SLCO1B3: variants seen among roughly 807,000 people sequenced by gnomAD.
SLCO1B3 encodes the protein liver-specific organic anion transporter 2.
SLCO1B3 carries 72 observed loss-of-function variants against 71.8 expected under a neutral mutation model. The observed-to-expected ratio is 1.00, with a 90% CI of 0.83 to 1.22. The LOEUF (loss-of-function observed/expected upper bound fraction) is 1.22. Ranked by LOEUF, SLCO1B3 falls within the 50% of genes most tolerant of loss-of-function variation. The probability of loss-of-function intolerance (pLI) is 0.00; values close to 1 mark genes in which losing one functional copy is unlikely to be tolerated. For missense variants in SLCO1B3, 911 were observed against 819.7 expected, an observed-to-expected ratio of 1.11 and a Z score of -1.36; for synonymous variants, 298 against 278.4, an observed-to-expected ratio of 1.07 and a Z score of -0.70.
At chr12:20,888,493 CATT>C (rs1865835024) in intron 13 of SLCO1B3, among the ~76,000 whole-genome samples, 1 of 151,730 alleles carries the variant, frequency 6.6e-6, no homozygotes, top group African/African-American at 2.4e-5. Context: ...TGAGCTTGAT[CATT>C]ATTGTTGTAT....
intron 12 of SLCO1B3, among the ~76,000 whole-genome samples, chr12:20,881,720 T>C (rs1338523101): frequency 6.6e-6 from 1 of 152,148 alleles, no homozygotes; most frequent in African/African-American, 2.4e-5. Context: ...CCCAATATCC[T>C]GGGTAACTCC....
At position 20,862,514 on chromosome 12, in the gene SLCO1B3, A is replaced by C. The variant is rs199849487; in HGVS notation, c.584A>C (p.Tyr195Ser). The change falls in exon 7 of 16, where the codon TAC becomes TCC. Residue 195 changes from tyrosine (Y) to serine (S), a missense_variant. By Grantham distance (144) the Tyr-to-Ser change is moderately radical (BLOSUM62 -2). Transcript: ENST00000381545. Reference sequence around the variant, plus strand: ...CCCATAGTACCATTGGGGATTTCATACATTGATGATTTTGCAAAAGAAGGA... The same window carrying C: ...CCCATAGTACCATTGGGGATTTCATCCATTGATGATTTTGCAAAAGAAGGA... ...ETPIVPLGIS[Y>S]IDDFAKEGHS... is the part of the protein sequence containing the mutation. 20 of 1,612,022 alleles carry C rather than the reference A, an allele frequency of 1.2e-5. No homozygotes were observed. The highest frequency in any genetic ancestry group is 1.5e-5 in the Non-Finnish European group (18 of 1,178,856).
intron 13 of SLCO1B3, among the ~76,000 whole-genome samples, chr12:20,894,378 GGTGA>G (rs1289842542): frequency 1.2e-4 from 18 of 152,124 alleles, no homozygotes; most frequent in African/African-American, 3.9e-4. Context: ...TGGATGTAGG[GGTGA>G]GTGTGTGTGA....
intron 8 of SLCO1B3, among the ~76,000 whole-genome samples, chr12:20,868,333 G>A (rs976248826): frequency 1.3e-5 from 2 of 152,120 alleles, no homozygotes; most frequent in Non-Finnish European, 2.9e-5. Context: ...ACTGTTTGGG[G>A]GGTCAGCCAC....
chr12:20,850,581 C>T (rs886418093), intron 3 of SLCO1B3, among the ~76,000 whole-genome samples: 1 of 152,064 alleles, frequency 6.6e-6, no homozygotes, highest in African/African-American at 2.4e-5. Context: ...CATGCCCGGC[C>T]GATGTACAGA....
intron 14 of SLCO1B3, among the ~76,000 whole-genome samples, chr12:20,900,572 T>G (rs548052543): frequency 7.8e-4 from 119 of 152,260 alleles, no homozygotes; most frequent in Non-Finnish European, 1.3e-3. Flanking sequence ...AAATAAAAAT[T>G]GACTTTGGGA....
At chr12:20,815,175 C>T (rs926427678) in intron 2 of SLCO1B3, among the ~76,000 whole-genome samples, 1 of 151,904 alleles carries the variant, frequency 6.6e-6, no homozygotes, top group African/African-American at 2.4e-5. Flanking sequence ...AGCCTTGTTC[C>T]ATAGGCATCT....
rs1454587926 is a variant in SLCO1B3, at chr12:20,859,957, T to TTC, written c.360-1059_360-1058insCT. On this transcript the variant is annotated intron_variant, in intron 5 of 15. Transcript: ENST00000381545. ...TCCAAGAAAAGCTGATCATTTCTTT[T>TTC]TTTTTTTTTTTTTTTTTGAGACGGA... 7.7e-4 allele frequency among the ~76,000 whole-genome samples: 112 copies of TTC among 146,334 alleles called. 2 individuals are homozygous for TTC. The South Asian group carries it at 0.024, about 31-fold the overall frequency.
chr12:20,883,857 A>G (rs565025550), intron 13 of SLCO1B3, among the ~76,000 whole-genome samples: 37 of 151,640 alleles, frequency 2.4e-4, no homozygotes, highest in African/African-American at 8.4e-4. Context: ...ACTGATTGAC[A>G]GTTGCCTTGA....
intron 6 of SLCO1B3, among the ~76,000 whole-genome samples, chr12:20,861,744 AG>A (rs1454095037): frequency 3.1e-5 from 2 of 65,422 alleles, no homozygotes; most frequent in Non-Finnish European, 1.1e-4. Context: ...AATGAAGTGG[AG>A]GAAAAAAAAT....
At chr12:20,886,891 C>T in intron 13 of SLCO1B3, among the ~76,000 whole-genome samples, 1 of 151,968 alleles carries the variant, frequency 6.6e-6, no homozygotes, top group Non-Finnish European at 1.5e-5. Flanking sequence ...ACTTTAGGGT[C>T]TCCAATGTCA....
intron 3 of SLCO1B3, among the ~76,000 whole-genome samples, chr12:20,817,563 A>G: frequency 6.6e-6 from 1 of 151,980 alleles, no homozygotes; most frequent in Non-Finnish European, 1.5e-5. Context: ...TGCCAGTACC[A>G]TGCTGTTTTG....
chr12:20,877,247 C>CT (rs1487951283), intron 9 of SLCO1B3, among the ~76,000 whole-genome samples: 1 of 66,310 alleles, frequency 1.5e-5, no homozygotes, highest in Non-Finnish European at 5.4e-5. Flanking sequence ...ATATTATGAA[C>CT]TGTTTTTTTA....
intron 3 of SLCO1B3, among the ~76,000 whole-genome samples, chr12:20,821,791 G>T (rs1329542129): frequency 6.6e-6 from 1 of 152,168 alleles, no homozygotes; most frequent in East Asian, 1.9e-4. Flanking sequence ...TTTGAAATGT[G>T]GGTGAATAAT....
chr12:20,840,222 T>C (rs886085092), intron 3 of SLCO1B3, among the ~76,000 whole-genome samples: 2 of 152,126 alleles, frequency 1.3e-5, no homozygotes, highest in Admixed American at 1.3e-4. Context: ...TAATATCTCC[T>C]TGATAGCAAG....
At chr12:20,901,557 T>C (rs1866134982) in intron 15 of SLCO1B3, 90 bp downstream of exon 15, 2 of 647,658 alleles carry the variant, frequency 3.1e-6, no homozygotes, top group Non-Finnish European at 5.4e-6. Flanking sequence ...GATCGTAATA[T>C]TAATGATAGC....
intron 3 of SLCO1B3, among the ~76,000 whole-genome samples, chr12:20,819,910 G>C (rs1864261429): frequency 6.6e-6 from 1 of 151,976 alleles, no homozygotes; most frequent in East Asian, 1.9e-4. Context: ...TTGGGAAGAA[G>C]GGCAGCAATG....
At position 20,855,084 on chromosome 12, in the gene SLCO1B3, T is replaced by G; in HGVS notation, c.141T>G (p.Ile47Met). ...SYIAKALGGI[I>M]MKISITQIER... ...TTGCTAAAGCACTAGGTGGAATCAT[T>G]ATGAAAATTTCCATCACTCAAATAG... The change falls in exon 4 of 16, where the codon ATT (isoleucine) becomes ATG (methionine). Residue 47 changes from isoleucine (I) to methionine (M), a missense_variant. Ile to Met is a conservative substitution (Grantham distance 10). Coordinates refer to ENST00000381545, the MANE Select transcript of SLCO1B3 (RefSeq NM_019844.4). 2 of 1,611,832 alleles carry G rather than the reference T, an allele frequency of 1.2e-6. No individual in the cohort carries two copies. The highest frequency in any genetic ancestry group is 8.5e-7 in the Non-Finnish European group (1 of 1,179,164).
At chr12:20,850,830 A>G (rs896524345) in intron 3 of SLCO1B3, among the ~76,000 whole-genome samples, 3 of 152,144 alleles carry the variant, frequency 2.0e-5, no homozygotes, top group African/African-American at 4.8e-5. Context: ...CTGGAATACA[A>G]TTGCTGGGTT....
Sources: allele counts gnomAD v4.1 joint callset (sites outside exome capture counted in the v4.1 genomes callset), GRCh38; gene constraint gnomAD v4.1.1; transcripts MANE v1.5; gene names NCBI Gene and HGNC (gene_info 2026-07-23, HGNC 2026-07-21).